USP35: variants seen among roughly 807,000 people sequenced by gnomAD.
USP35 encodes ubiquitin specific peptidase 35, also known as ubiquitin carboxyl-terminal hydrolase 35.
USP35 carries 69 observed loss-of-function variants against 83.8 expected under a neutral mutation model. That is an observed-to-expected ratio of 0.82 (90% confidence interval 0.68 to 1.01). USP35 has a LOEUF of 1.01. Among genes scored for constraint, USP35 ranks in the 50% least tolerant of loss-of-function variants. The pLI is 0.00. For missense variants in USP35, 1,503 were observed against 1,362.5 expected, an observed-to-expected ratio of 1.10 and a Z score of -1.62; for synonymous variants, 714 against 589.5, an observed-to-expected ratio of 1.21 and a Z score of -3.06.
rs1863510795 is a variant in USP35, at chr11:78,205,777, G to C, written c.1198-65G>C. On this transcript the variant is annotated intron_variant, in intron 6 of 10. Transcript: ENST00000529308. ...GTATCTGAGAAGGCCTCCCAGAAGAGGTGGTAGTTTTTTGAGCTGACCCTG... is the reference window on the plus strand; with the variant it reads ...GTATCTGAGAAGGCCTCCCAGAAGACGTGGTAGTTTTTTGAGCTGACCCTG... 7 of 1,542,502 alleles carry C rather than the reference G, an allele frequency of 4.5e-6. No individual in the cohort carries two copies. In the South Asian group the frequency reaches 8.6e-5, roughly 19 times the overall value.
rs201974375 is a variant in USP35 at position 78,214,858 on chromosome 11, G to T, written c.*1045G>T. 31 of 148,886 alleles carry T rather than the reference G, an allele frequency of 2.1e-4. No homozygotes were observed. In the East Asian group the frequency reaches 6.0e-3, roughly 29 times the overall value. 9.2% of individuals were successfully genotyped at this position (148,886 alleles called of 1,614,324 possible). On this transcript the variant is annotated 3_prime_UTR_variant, in exon 11 of 11. Coordinates refer to ENST00000529308, the MANE Select transcript of USP35 (RefSeq NM_020798.4). ...CCTCTACTGAATCTACTGAAGTGGG[G>T]TGTAAGTAAACGTGTGGACTGACTG...
chr11:78,206,036 G>A lies in USP35; in HGVS notation c.1391+1G>A. 6.2e-7 allele frequency: 1 copy of A among 1,608,062 alleles called. No homozygotes were observed. Among genetic ancestry groups the A allele is most frequent in the Non-Finnish European group, 8.5e-7 (1 of 1,175,244 alleles). Reference sequence around the variant, plus strand: ...TTCAGGCCTTATTCATGGCGTCTGAGTAGGTGCTGCTTTGGAATTCCCTGT... The same window carrying A: ...TTCAGGCCTTATTCATGGCGTCTGAATAGGTGCTGCTTTGGAATTCCCTGT... On this transcript the variant is annotated splice_donor_variant, in intron 7 of 10. Coordinates refer to ENST00000529308, the MANE Select transcript of USP35 (RefSeq NM_020798.4). LOFTEE classifies it high-confidence loss of function.
chr11:78,224,963 G>A, the USP35 span: 3 of 610,102 alleles, frequency 4.9e-6, no homozygotes, highest in Non-Finnish European at 8.8e-6. Flanking sequence ...ACTCAACGCA[G>A]GGTTCTGAAC....
downstream of USP35, chr11:78,219,086 G>A (rs1864287737): frequency 1.2e-5 from 7 of 586,398 alleles, no homozygotes; most frequent in Non-Finnish European, 2.1e-5. Context: ...GGCAGAGGAG[G>A]TGCCTTGATC....
In USP35 at chr11:78,208,858, G is replaced by A. The variant is rs776819918; in HGVS notation, c.1487G>A (p.Arg496Gln). 1 of 1,614,154 alleles carries A rather than the reference G, an allele frequency of 6.2e-7. No homozygotes were observed. Among genetic ancestry groups the A allele is most frequent in the Admixed American group, 1.7e-5 (1 of 60,024 alleles). ...WLFGFLEHSQRPAISPENFLS... is the reference protein window; with the variant it reads ...WLFGFLEHSQQPAISPENFLS... ...TGCCTTTCGCCTGCCTTGTCCTAGCGGCCTGCCATTTCCCCAGAGAACTTC... is the reference window on the plus strand; with the variant it reads ...TGCCTTTCGCCTGCCTTGTCCTAGCAGCCTGCCATTTCCCCAGAGAACTTC... The change falls in exon 9 of 11, where the codon CGG (arginine) becomes CAG (glutamine). Residue 496 changes from arginine (R) to glutamine (Q), a missense_variant and splice_region_variant. Transcript: ENST00000529308.
rs1286041597 is a variant in USP35, at chr11:78,214,012, T to TAAAACTTTACACCCAA, written c.*200_*215dup. On this transcript the variant is annotated 3_prime_UTR_variant, in exon 11 of 11. Transcript: ENST00000529308. Reference sequence around the variant, plus strand: ...CCCTTTCATTGGGGATCAGTCCCATTAAAACTTTACACCCAAGTGTCCTGG... The same window carrying TAAAACTTTACACCCAA: ...CCCTTTCATTGGGGATCAGTCCCATTAAAACTTTACACCCAAAAAACTTTACACCCAAGTGTCCTGG... The TAAAACTTTACACCCAA allele has an allele frequency of 5.1e-5, 29 of 567,900 alleles. No individual in the cohort carries two copies. Among genetic ancestry groups the TAAAACTTTACACCCAA allele is most frequent in the Non-Finnish European group, 6.6e-5 (24 of 360,996 alleles). The allele number at this position is 567,900 out of a possible 1,614,324, so 35.2% of individuals were successfully genotyped here.
chr11:78,196,809 C>G lies in USP35; in HGVS notation c.564C>G (p.Phe188Leu). Residue 188 changes from phenylalanine (F) to leucine (L), a missense_variant, in exon 2 of 11, where the codon TTC becomes TTG. Transcript: ENST00000529308. The surrounding 1 kb of genome is among the most constrained non-coding windows in gnomAD (Gnocchi z 4.8). Reference sequence around the variant, plus strand: ...AAGGCGAGGAGGGCGCCGTGGAGTTCCTAGAGCAGGCCCAGCAGGTGAGCG... The same window carrying G: ...AAGGCGAGGAGGGCGCCGTGGAGTTGCTAGAGCAGGCCCAGCAGGTGAGCG... ...PAEGEEGAVE[F>L]LEQAQQVSGL... is the part of the protein sequence containing the mutation. The G allele has an allele frequency of 6.5e-7, 1 of 1,534,052 alleles. No homozygotes were observed. Among genetic ancestry groups the G allele is most frequent in the Non-Finnish European group, 8.7e-7 (1 of 1,145,512 alleles).
rs1271725504 is a variant in USP35, at chr11:78,213,927, G to A, written c.*114G>A. ...GGATGGTACAGCTCATGGCACCTTA[G>A]TCCTCAGCCTGATGAAGGGTACACA... On this transcript the variant is annotated 3_prime_UTR_variant, in exon 11 of 11. Transcript: ENST00000529308. 3 of 1,225,530 alleles carry A rather than the reference G, an allele frequency of 2.4e-6. No individual in the cohort carries two copies. The highest frequency in any genetic ancestry group is 3.3e-6 in the Non-Finnish European group (3 of 910,016). 75.9% of individuals were successfully genotyped at this position (1,225,530 alleles called of 1,614,324 possible).
In USP35 at chr11:78,196,443, C is replaced by T. The variant is rs1257526505; in HGVS notation, c.198C>T (p.His66=). Residue 66 remains histidine (H), a synonymous_variant, in exon 2 of 11, where the codon CAC becomes CAT. Coordinates refer to ENST00000529308, the MANE Select transcript of USP35 (RefSeq NM_020798.4). The surrounding 1 kb of genome is among the most constrained non-coding windows in gnomAD (Gnocchi z 4.8). ...LPRRVGCQLL[H]VAGRHHPDVF... Reference sequence around the variant, plus strand: ...GCCGCGTGGGCTGCCAGCTGCTGCACGTGGCCGGCCGCCACCACCCCGACG... The same window carrying T: ...GCCGCGTGGGCTGCCAGCTGCTGCATGTGGCCGGCCGCCACCACCCCGACG... The T allele has an allele frequency of 4.7e-6, 6 of 1,269,086 alleles. No homozygotes were observed. The highest frequency in any genetic ancestry group is 3.2e-5 in the African/African-American group (2 of 62,410). 78.6% of individuals were successfully genotyped at this position (1,269,086 alleles called of 1,614,324 possible).
intron 6 of USP35, among the ~76,000 whole-genome samples, chr11:78,205,070 T>TG (rs1837885235): frequency 6.6e-6 from 1 of 152,250 alleles, no homozygotes; most frequent in Non-Finnish European, 1.5e-5. Context: ...GCTTAGATGT[T>TG]GTTCTTTGGA....
At position 78,209,551 on chromosome 11, in the gene USP35, G is replaced by A. The variant is rs781327671; in HGVS notation, c.1696G>A (p.Val566Met). 6.2e-7 allele frequency: 1 copy of A among 1,614,130 alleles called. No individual in the cohort carries two copies. The highest frequency in any genetic ancestry group is 2.2e-5 in the East Asian group (1 of 44,874). The change falls in exon 10 of 11, where the codon GTG becomes ATG. Residue 566 changes from valine (V) to methionine (M), a missense_variant. Physicochemically the swap from Val to Met is conservative, Grantham distance 21. Transcript: ENST00000529308. ...GCCCCCGGCCCCAAGTTCAACCTCT[G>A]TGGAAAAAATGTTTGGAGGCAAGAT... The part of the protein sequence containing the change: ...EEPPAPSSTS[V>M]EKMFGGKIVT...
At chr11:78,225,134 T>A in the USP35 span, 1 of 1,613,234 alleles carries the variant, frequency 6.2e-7, no homozygotes, top group Admixed American at 1.7e-5. Flanking sequence ...CCATCACTCA[T>A]GGATTCAGCA....
intron 6 of USP35, among the ~76,000 whole-genome samples, chr11:78,202,608 G>T (rs1029940335): frequency 6.6e-6 from 1 of 150,582 alleles, no homozygotes; most frequent in African/African-American, 2.4e-5. Flanking sequence ...ATGACAGTTG[G>T]TAGATACAAC....
intron 7 of USP35, 43 bp downstream of exon 7, chr11:78,206,078 C>T (rs373023070): frequency 2.5e-6 from 4 of 1,584,608 alleles, no homozygotes; most frequent in East Asian, 4.5e-5. Context: ...TTGCTTCTCT[C>T]CTCTGGGCTC....
At chr11:78,216,156 C>CACAG (rs1864135337), downstream of USP35, 1 of 152,608 alleles carries the variant, frequency 6.6e-6, no homozygotes, top group Non-Finnish European at 1.5e-5. Flanking sequence ...CCTCCCATTC[C>CACAG]ACAGACAGGC....
At position 78,200,671 on chromosome 11, in the gene USP35, A is replaced by G. The variant is rs373863039; in HGVS notation, c.1060A>G (p.Met354Val). 50 of 1,612,202 alleles carry G rather than the reference A, an allele frequency of 3.1e-5. No individual in the cohort carries two copies. The highest frequency in any genetic ancestry group is 5.3e-5 in the African/African-American group (4 of 74,806). ...FHLLLPHIPP[M>V]VASLVKEDSN... ...ACAGCTCCTCCCTCACATCCCCCCC[A>G]TGGTGGCCTCTCTGGTCAAGGAGGA... is the stretch of plus-strand genomic sequence containing the variant. Residue 354 changes from methionine to valine, a missense_variant, in exon 6 of 11, where the codon ATG becomes GTG. Met to Val is a conservative substitution (Grantham distance 21, BLOSUM62 1). Coordinates refer to ENST00000529308, the MANE Select transcript of USP35 (RefSeq NM_020798.4).
rs760262597 is a variant in USP35, at chr11:78,213,627, C to T, written c.2890-19C>T. On this transcript the variant is annotated intron_variant, in intron 10 of 10. Coordinates refer to ENST00000529308, the MANE Select transcript of USP35 (RefSeq NM_020798.4). Reference sequence around the variant, plus strand: ...GGTGTGAATTCTAAGTCTAAGTCTCCTCTCATCTGTGTTCCCAGGAGCAGG... The same window carrying T: ...GGTGTGAATTCTAAGTCTAAGTCTCTTCTCATCTGTGTTCCCAGGAGCAGG... The T allele has an allele frequency of 2.0e-6, 3 of 1,466,012 alleles. No individual in the cohort carries two copies. In the South Asian group the frequency reaches 4.5e-5, roughly 22 times the overall value. 90.8% of individuals were successfully genotyped at this position (1,466,012 alleles called of 1,614,324 possible).
Position 78,208,891 on chromosome 11 carries a change from C to G in USP35, c.1520C>G (p.Ala507Gly). 6.2e-7 allele frequency: 1 copy of G among 1,614,258 alleles called. No homozygotes were observed. Among genetic ancestry groups the G allele is most frequent in the Non-Finnish European group, 8.5e-7 (1 of 1,180,046 alleles). The change falls in exon 9 of 11, where the codon GCA becomes GGA. Residue 507 changes from alanine (A) to glycine (G), a missense_variant. Physicochemically the swap from Ala to Gly is moderately conservative, Grantham distance 60 (BLOSUM62 0). Coordinates refer to ENST00000529308, the MANE Select transcript of USP35 (RefSeq NM_020798.4). ...PAISPENFLS[A>G]SWTPWFSPGT... ...ATTTCCCCAGAGAACTTCCTCTCCG[C>G]ATCCTGGACGCCCTGGTTCAGCCCT...
intron 3 of USP35, 114 bp downstream of exon 3, chr11:78,198,182 G>T: frequency 6.8e-7 from 1 of 1,473,660 alleles, no homozygotes; most frequent in Non-Finnish European, 9.2e-7. Context: ...GAGGGCCCAG[G>T]CCCTCATGTG....
Sources: gnomAD v4.1 joint callset for allele counts (sites outside exome capture counted in the v4.1 genomes callset) on GRCh38, gnomAD v4.1.1 for gene constraint, Gnocchi (gnomAD v3.1) non-coding constraint, MANE v1.5 for transcripts, NCBI Gene and HGNC (gene_info 2026-07-23, HGNC 2026-07-21) for gene names.